CTIF: variants seen among roughly 807,000 people sequenced by gnomAD.
CTIF encodes the protein CBP80/20-dependent translation initiation factor.
CTIF carries 21 observed loss-of-function variants against 66.0 expected under a neutral mutation model. The observed-to-expected ratio is 0.32, with a 90% CI of 0.23 to 0.46. The LOEUF (loss-of-function observed/expected upper bound fraction) is 0.46, where lower values mean the gene tolerates loss of function less well. Among genes scored for constraint, CTIF ranks in the 20% least tolerant of loss-of-function variants. The pLI is 1.00. For synonymous variants in CTIF, 345 were observed against 326.4 expected (o/e 1.06, Z -0.62); for missense variants, 739 against 812.7 (o/e 0.91, Z 1.10).
At chr18:48,770,149 A>C (rs1261339356) in intron 9 of CTIF, among the ~76,000 whole-genome samples, 1 of 152,242 alleles carries the variant, frequency 6.6e-6, no homozygotes, top group Non-Finnish European at 1.5e-5. Context: ...ACTGATCCTC[A>C]GCCAGTCCTG....
chr18:48,771,799 CTG>C (rs1471381482), intron 9 of CTIF, among the ~76,000 whole-genome samples: 3 of 152,244 alleles, frequency 2.0e-5, no homozygotes, highest in African/African-American at 7.2e-5. Context: ...CCCCCCAGCT[CTG>C]TGAGCGGCCG....
At chr18:48,603,495 G>GGA (rs1196797964) in intron 1 of CTIF, among the ~76,000 whole-genome samples, 14,308 of 114,384 alleles carry the variant, frequency 0.13, 1,055 homozygotes, top group Non-Finnish European at 0.15. Flanking sequence ...GGGTGGGTGG[G>GGA]TGGGTGGATG....
At chr18:48,679,150 C>T (rs2091696865) in intron 6 of CTIF, among the ~76,000 whole-genome samples, 1 of 152,242 alleles carries the variant, frequency 6.6e-6, no homozygotes, top group Middle Eastern at 3.2e-3. Context: ...CTAAAGCTCA[C>T]TCACTAGTCA....
chr18:48,778,551 G>A (rs1192420620), intron 9 of CTIF, among the ~76,000 whole-genome samples: 1 of 152,156 alleles, frequency 6.6e-6, no homozygotes, highest in East Asian at 1.9e-4. Context: ...CAGCCTCTGG[G>A]CATGTTGGCA....
At position 48,854,534 on chromosome 18, in the gene CTIF, C is replaced by G. The variant is rs143211130; in HGVS notation, c.1528-3054C>G. ...GGCCTGACCCGTCTTGCTCTCTGCC[C>G]CTGCTGCTGCCCTAGGCCACACTGC... On this transcript the variant is annotated intron_variant, in intron 10 of 11. Transcript: ENST00000256413. Among the ~76,000 whole-genome samples, 291 of 152,294 alleles carry G rather than the reference C, an allele frequency of 1.9e-3. 2 individuals carry two copies. The highest frequency in any genetic ancestry group is 6.7e-3 in the African/African-American group (280 of 41,544).
At chr18:48,638,206 T>G (rs950806256) in intron 3 of CTIF, among the ~76,000 whole-genome samples, 2 of 152,118 alleles carry the variant, frequency 1.3e-5, no homozygotes, top group East Asian at 3.9e-4. Flanking sequence ...TTCCCCTCAC[T>G]CTTCAGCAGC....
At chr18:48,577,902 C>T (rs1005946736) in intron 1 of CTIF, among the ~76,000 whole-genome samples, 8 of 152,278 alleles carry the variant, frequency 5.3e-5, no homozygotes, top group South Asian at 4.2e-4. Flanking sequence ...AATATATTGA[C>T]GATGTTGTGC....
intron 2 of CTIF, among the ~76,000 whole-genome samples, chr18:48,630,115 G>A (rs933201650): frequency 2.6e-5 from 4 of 152,058 alleles, no homozygotes; most frequent in South Asian, 2.1e-4. Context: ...TGTCTCTCCC[G>A]GGACATGAAT....
chr18:48,544,560 C>T (rs528379118), intron 1 of CTIF, among the ~76,000 whole-genome samples: 1 of 152,304 alleles, frequency 6.6e-6, no homozygotes, highest in East Asian at 1.9e-4. Flanking sequence ...TGCTCACTTA[C>T]CCAAGGGGTA....
intron 10 of CTIF, among the ~76,000 whole-genome samples, chr18:48,833,285 G>A (rs1288307586): frequency 1.3e-5 from 2 of 152,214 alleles, no homozygotes; most frequent in Non-Finnish European, 2.9e-5. Flanking sequence ...CGCTGCAGGC[G>A]GGAGGCCTCG....
intron 10 of CTIF, among the ~76,000 whole-genome samples, chr18:48,834,033 T>TTCCCC (rs143137878): frequency 0.11 from 17,151 of 150,792 alleles, 921 homozygotes; most frequent in East Asian, 0.18. Flanking sequence ...TCCCCCTCCT[T>TTCCCC]TCCCCTCCCC....
At chr18:48,832,332 C>G (rs185786253) in intron 10 of CTIF, among the ~76,000 whole-genome samples, 1 of 152,110 alleles carries the variant, frequency 6.6e-6, no homozygotes. Context: ...CCACCACCCC[C>G]GGCTAATTTT....
chr18:48,726,471 C>A (rs912237500), intron 7 of CTIF, among the ~76,000 whole-genome samples: 1 of 152,132 alleles, frequency 6.6e-6, no homozygotes, highest in African/African-American at 2.4e-5. Flanking sequence ...GGGGTGTAGG[C>A]ATCTGAAGGC....
chr18:48,650,642 T>G (rs1359132643), intron 3 of CTIF, among the ~76,000 whole-genome samples: 5 of 152,042 alleles, frequency 3.3e-5, no homozygotes, highest in Admixed American at 2.0e-4. Context: ...AGATACTCCT[T>G]GAGAAGAGCA....
rs376981142 is a variant in CTIF, at chr18:48,788,155, G to A, written c.1371+26466G>A. ...GACCCTCTCTAGCCTTTAGGCTGGG[G>A]GGAGAAGAAACCTGAATTTGGGGTT... On this transcript the variant is annotated intron_variant, in intron 9 of 11. Coordinates refer to ENST00000256413, the MANE Select transcript of CTIF (RefSeq NM_014772.3). Among the ~76,000 whole-genome samples the A allele has an allele frequency of 5.9e-5, 9 of 152,318 alleles. No individual in the cohort carries two copies. The East Asian group carries it at 9.6e-4, about 16-fold the overall frequency.
intron 7 of CTIF, among the ~76,000 whole-genome samples, chr18:48,715,472 TG>T (rs955088248): frequency 3.4e-4 from 52 of 152,300 alleles, no homozygotes; most frequent in African/African-American, 1.2e-3. Context: ...CCATGCAAGT[TG>T]GAGACCTGTT....
chr18:48,664,907 TTC>T (rs534520868), intron 5 of CTIF, among the ~76,000 whole-genome samples: 76,228 of 124,808 alleles, frequency 0.61, 22,213 homozygotes, highest in East Asian at 0.85. Context: ...GTGTGTTTCT[TTC>T]TTTTTTTTTT....
intron 6 of CTIF, among the ~76,000 whole-genome samples, chr18:48,681,255 G>A (rs1000123949): frequency 9.2e-5 from 14 of 152,246 alleles, no homozygotes; most frequent in Non-Finnish European, 2.1e-4. Flanking sequence ...GTCAGGCCCA[G>A]GAGAGATTCA....
chr18:48,655,223 T>A (rs1465073445), intron 3 of CTIF, among the ~76,000 whole-genome samples: 2 of 149,992 alleles, frequency 1.3e-5, no homozygotes, highest in African/African-American at 2.5e-5. Flanking sequence ...GAGAATCGCT[T>A]GAACCTGGGA....
Sources: allele counts gnomAD v4.1 joint callset (sites outside exome capture counted in the v4.1 genomes callset), GRCh38; gene constraint gnomAD v4.1.1; transcripts MANE v1.5; gene names NCBI Gene and HGNC (gene_info 2026-07-23, HGNC 2026-07-21).